Variants in EEF2KMT observed in about 807,000 individuals in gnomAD.
EEF2KMT encodes the protein protein-lysine N-methyltransferase EEF2KMT.
Under a neutral mutation model 35.1 loss-of-function variants are expected in EEF2KMT, and 30 were observed. The ratio of observed to expected loss-of-function variants is 0.85; its 90% CI spans 0.64 to 1.16. EEF2KMT has a LOEUF of 1.16. Among genes scored for constraint, EEF2KMT ranks in the 50% most tolerant of loss-of-function variants. The pLI is 0.00. For synonymous variants in EEF2KMT, 190 were observed against 187.7 expected (o/e 1.01, Z -0.10); for missense variants, 499 against 438.2 (o/e 1.14, Z -1.24).
intron 6 of EEF2KMT, 166 bp from the exon 7 acceptor site, chr16:5,089,422 G>A (rs1316932914): frequency 4.3e-6 from 4 of 939,580 alleles, no homozygotes; most frequent in Non-Finnish European, 6.2e-6. Context: ...GGGTGAAAAA[G>A]GAGAACCCTT....
chr16:5,090,142 C>T lies in EEF2KMT; in HGVS notation c.684G>A (p.Trp228Ter). 1.2e-6 allele frequency: 2 copies of T among 1,610,922 alleles called. No individual in the cohort carries two copies. The highest frequency in any genetic ancestry group is 1.7e-6 in the Non-Finnish European group (2 of 1,179,850). Reference protein sequence around the residue: ...SPRVTVAQLDWDVATVHQLSA... With the variant: ...SPRVTVAQLD ...AGAGCTGATGGACCGTCGCGACGTCCCAGTCCAGCTGGGCCACTGTCACCC... is the reference window on the plus strand; with the variant it reads ...AGAGCTGATGGACCGTCGCGACGTCTCAGTCCAGCTGGGCCACTGTCACCC... Residue 228 changes from tryptophan to a stop codon, truncating the protein, a stop_gained, in exon 6 of 8, where the codon TGG becomes TGA. Transcript: ENST00000427587. LOFTEE classifies it high-confidence loss of function. The surrounding 1 kb of genome is among the most constrained non-coding windows in gnomAD (Gnocchi z 4.1).
chr16:5,094,414 C>T (rs1411130538), intron 2 of EEF2KMT, among the ~76,000 whole-genome samples: 3 of 152,164 alleles, frequency 2.0e-5, no homozygotes, highest in African/African-American at 7.2e-5. Flanking sequence ...AGGCATGTAC[C>T]ACCACGCCCA....
Position 5,091,822 on chromosome 16 carries a change from G to C in EEF2KMT, c.314C>G (p.Ser105Cys). ...ALAETLMAKE[S>C]TQGHRSYLLP... Reference sequence around the variant, plus strand: ...CAAATAGCTCCGGTGGCCCTGGGTGGACTCCTTGGCCATCAGGGTCTCCGC... The same window carrying C: ...CAAATAGCTCCGGTGGCCCTGGGTGCACTCCTTGGCCATCAGGGTCTCCGC... The change falls in exon 4 of 8, where the codon TCC becomes TGC. Residue 105 changes from serine to cysteine, a missense_variant. Coordinates refer to ENST00000427587, the MANE Select transcript of EEF2KMT (RefSeq NM_201400.4). 2 of 1,611,866 alleles carry C rather than the reference G, an allele frequency of 1.2e-6. No individual in the cohort carries two copies. Among genetic ancestry groups the C allele is most frequent in the Middle Eastern group, 2.3e-4 (1 of 4,430 alleles).
At chr16:5,087,473 T>C (rs938044608) in intron 7 of EEF2KMT, 1 of 152,140 alleles carries the variant, frequency 6.6e-6, no homozygotes, top group African/African-American at 2.4e-5. Context: ...TAGGTACTCA[T>C]AACCATGTGT....
At chr16:5,097,093 G>GCCTT (rs1480517013) in intron 1 of EEF2KMT, among the ~76,000 whole-genome samples, 1 of 152,194 alleles carries the variant, frequency 6.6e-6, no homozygotes, top group African/African-American at 2.4e-5. Context: ...CCTGCCATGG[G>GCCTT]CCTGTGCTGA....
chr16:5,092,565 T>C (rs1179785291), intron 3 of EEF2KMT, among the ~76,000 whole-genome samples: 4 of 152,206 alleles, frequency 2.6e-5, no homozygotes, highest in Non-Finnish European at 5.9e-5. Flanking sequence ...GGATTGTTTA[T>C]TTGCTAAAAG....
At chr16:5,093,208 G>C (rs968845656) in intron 3 of EEF2KMT, among the ~76,000 whole-genome samples, 33 of 152,306 alleles carry the variant, frequency 2.2e-4, no homozygotes, top group African/African-American at 7.5e-4. Flanking sequence ...GGGCCAGCCT[G>C]GTAGGAATGA....
At chr16:5,089,032 G>A in intron 7 of EEF2KMT, 75 bp downstream of exon 7, 1 of 1,605,792 alleles carries the variant, frequency 6.2e-7, no homozygotes, top group Non-Finnish European at 8.5e-7. Context: ...CCGGCACCCA[G>A]TTCTTTCACT....
chr16:5,090,387 C>T lies in EEF2KMT; in HGVS notation c.477-38G>A. On this transcript the variant is annotated intron_variant, in intron 5 of 7. Coordinates refer to ENST00000427587, the MANE Select transcript of EEF2KMT (RefSeq NM_201400.4). This position sits in a 1 kb window ranked among gnomAD's most constrained non-coding sequence, Gnocchi z 4.1. Reference sequence around the variant, plus strand: ...AAGGGGACCGTGTCTGCGACTGCACCAGGGTAAGCCTGCCTCGGTGCCCTG... The same window carrying T: ...AAGGGGACCGTGTCTGCGACTGCACTAGGGTAAGCCTGCCTCGGTGCCCTG... 1 of 1,612,010 alleles carries T rather than the reference C, an allele frequency of 6.2e-7. No homozygotes were observed. Among genetic ancestry groups the T allele is most frequent in the East Asian group, 2.2e-5 (1 of 44,880 alleles).
intron 7 of EEF2KMT, among the ~76,000 whole-genome samples, chr16:5,088,467 G>A (rs1054778711): frequency 6.6e-6 from 1 of 152,166 alleles, no homozygotes; most frequent in Non-Finnish European, 1.5e-5. Context: ...GTGGCACTGG[G>A]GGGCTTGGGT....
chr16:5,085,041 G>A lies in EEF2KMT; in HGVS notation c.*591C>T, dbSNP rs1957106182. On this transcript the variant is annotated 3_prime_UTR_variant, in exon 8 of 8. Transcript: ENST00000427587. The stretch of plus-strand genomic sequence containing the variant: ...GGTAAAAGAATTGGTTCTGTGACCC[G>A]GGAAGCTTTGGTTGGCCTTGATTTC... 19 of 1,365,238 alleles carry A rather than the reference G, an allele frequency of 1.4e-5. No individual in the cohort carries two copies. The highest frequency in any genetic ancestry group is 2.9e-5 in the African/African-American group (2 of 69,514). The allele number at this position is 1,365,238 out of a possible 1,614,324, so 84.6% of individuals were successfully genotyped here.
intron 4 of EEF2KMT, 124 bp downstream of exon 4, chr16:5,091,670 C>T (rs533894587): frequency 9.8e-5 from 144 of 1,475,322 alleles, no homozygotes; most frequent in African/African-American, 8.4e-5. Context: ...AGAAGGTTGA[C>T]GGACCTCATG....
At position 5,090,863 on chromosome 16, in the gene EEF2KMT, A is replaced by AG. The variant is rs1957328091; in HGVS notation, c.343-299dup. ...GGCCAGGGGACAGGTGTGGCTATGA[A>AG]GGGGTGGCTGCCTTGTGATGATTCA... On this transcript the variant is annotated intron_variant, in intron 4 of 7. Transcript: ENST00000427587. This position sits in a 1 kb window ranked among gnomAD's most constrained non-coding sequence, Gnocchi z 4.1. 6.6e-6 allele frequency among the ~76,000 whole-genome samples: 1 copy of AG among 152,136 alleles called. No homozygotes were observed. The highest frequency in any genetic ancestry group is 2.4e-5 in the African/African-American group (1 of 41,426).
At chr16:5,094,815 A>G (rs1000071413) in intron 2 of EEF2KMT, among the ~76,000 whole-genome samples, 3 of 152,124 alleles carry the variant, frequency 2.0e-5, no homozygotes, top group African/African-American at 7.2e-5. Flanking sequence ...GGTGGAGGAT[A>G]TCTGCCTCCT....
At chr16:5,086,341 A>G (rs1256434362) in intron 7 of EEF2KMT, among the ~76,000 whole-genome samples, 1 of 151,102 alleles carries the variant, frequency 6.6e-6, no homozygotes, top group African/African-American at 2.4e-5. Flanking sequence ...TCTCAAAAAA[A>G]AAAAAAAAAA....
chr16:5,093,391 G>T, intron 3 of EEF2KMT, 93 bp downstream of exon 3: 4 of 1,589,998 alleles, frequency 2.5e-6, no homozygotes, highest in Non-Finnish European at 2.6e-6. Context: ...GCTGGGGTTT[G>T]CAAAGCAGGC....
Position 5,085,112 on chromosome 16 carries a change from C to T in EEF2KMT, c.*520G>A, listed in dbSNP as rs1323568673. ...GCTTCCTCTCTTCTTCTGTTCTTCA[C>T]GCCCCATGCCCCTGCTAGCGTATTA... On this transcript the variant is annotated 3_prime_UTR_variant, in exon 8 of 8. Transcript: ENST00000427587. 9.7e-6 allele frequency: 7 copies of T among 718,070 alleles called. No individual in the cohort carries two copies. Among genetic ancestry groups the T allele is most frequent in the Non-Finnish European group, 1.6e-5 (7 of 440,860 alleles). The allele number at this position is 718,070 out of a possible 1,614,324, so 44.5% of individuals were successfully genotyped here. A position where few individuals can be genotyped will look rare whatever the true frequency, so the allele number is the denominator to read the frequency against.
intron 1 of EEF2KMT, among the ~76,000 whole-genome samples, chr16:5,096,566 TCCC>T (rs1957471599): frequency 6.6e-6 from 1 of 152,180 alleles, no homozygotes; most frequent in African/African-American, 2.4e-5. Flanking sequence ...TATCATTATA[TCCC>T]CCATTTTATT....
rs1957080622 is a variant in EEF2KMT at position 5,084,530 on chromosome 16, A to G, written c.*1102T>C. ...GGCCGGGAGGTGCTCCAGGGCACCA[A>G]GTGTGGGAAAGTGGGACATGCGGGG... is the stretch of plus-strand genomic sequence containing the variant. On this transcript the variant is annotated 3_prime_UTR_variant, in exon 8 of 8. Coordinates refer to ENST00000427587, the MANE Select transcript of EEF2KMT (RefSeq NM_201400.4). 1.4e-6 allele frequency: 1 copy of G among 733,172 alleles called. No individual in the cohort carries two copies. The highest frequency in any genetic ancestry group is 1.7e-5 in the South Asian group (1 of 57,144). 45.4% of individuals were successfully genotyped at this position (733,172 alleles called of 1,614,324 possible).
Sources: gnomAD v4.1 joint callset for allele counts (sites outside exome capture counted in the v4.1 genomes callset) on GRCh38, gnomAD v4.1.1 for gene constraint, Gnocchi (gnomAD v3.1) non-coding constraint, MANE v1.5 for transcripts, NCBI Gene and HGNC (gene_info 2026-07-23, HGNC 2026-07-21) for gene names.